Variants in ALDH1A1 observed in about 807,000 individuals in gnomAD.
ALDH1A1 encodes aldehyde dehydrogenase 1A1.
Under a neutral mutation model 62.1 loss-of-function variants are expected in ALDH1A1, and 19 were observed. The observed-to-expected ratio is 0.31, with a 90% CI of 0.21 to 0.45. The LOEUF is 0.45. ALDH1A1 is among the 20% of genes least tolerant of loss of function. The pLI, the probability that ALDH1A1 is intolerant of heterozygous loss-of-function variation, is 1.00. For missense variants in ALDH1A1, 521 were observed against 607.1 expected (o/e 0.86, Z 1.49); for synonymous variants, 231 against 215.9 (o/e 1.07, Z -0.61).
At chr9:72,932,592 A>G (rs1830295744) in intron 2 of ALDH1A1, among the ~76,000 whole-genome samples, 1 of 152,240 alleles carries the variant, frequency 6.6e-6, no homozygotes. Flanking sequence ...TTTTCAGAGA[A>G]TGATGATATA....
chr9:72,945,606 A>G (rs1220675072), intron 1 of ALDH1A1, among the ~76,000 whole-genome samples: 3 of 151,968 alleles, frequency 2.0e-5, no homozygotes, highest in African/African-American at 7.2e-5. Flanking sequence ...TTCTCAGCTT[A>G]GGAACCTACC....
intron 9 of ALDH1A1, among the ~76,000 whole-genome samples, chr9:72,916,702 C>T (rs188239131): frequency 2.1e-4 from 32 of 152,158 alleles, no homozygotes; most frequent in Middle Eastern, 3.4e-3. Flanking sequence ...TCAGCATGGC[C>T]GGTAAACTGT....
chr9:72,930,642 A>G (rs1439012036), intron 3 of ALDH1A1, among the ~76,000 whole-genome samples: 1 of 152,200 alleles, frequency 6.6e-6, no homozygotes, highest in Admixed American at 6.5e-5. Flanking sequence ...TGGGTTTGCT[A>G]AAGTTTAGAC....
At position 72,952,951 on chromosome 9, in the gene ALDH1A1, T is replaced by A. The variant is rs778954712; in HGVS notation, c.50A>T (p.Lys17Met). The change falls in exon 1 of 13, where the codon AAG (lysine) becomes ATG (methionine). Residue 17 changes from lysine (K) to methionine (M), a missense_variant. Coordinates refer to ENST00000297785, the MANE Select transcript of ALDH1A1 (RefSeq NM_000689.5). ...TTTACTCACCTTAGTATATTGAATC[T>A]TCAAATCGGTGAGTAGGACAGGTAA... Reference protein sequence around the residue: ...PDLPVLLTDLKIQYTKIFINN... With the variant: ...PDLPVLLTDLMIQYTKIFINN... 2 of 1,613,054 alleles carry A rather than the reference T, an allele frequency of 1.2e-6. No individual in the cohort carries two copies. Among genetic ancestry groups the A allele is most frequent in the South Asian group, 2.2e-5 (2 of 91,038 alleles).
chr9:72,929,132 T>A (rs1830248184), intron 3 of ALDH1A1, 111 bp from the exon 4 acceptor site: 31 of 1,163,120 alleles, frequency 2.7e-5, no homozygotes, highest in Non-Finnish European at 3.6e-5. Context: ...ATAGAAGAAA[T>A]CTTGTCATCT....
chr9:72,911,405 T>C (rs1829985838), intron 10 of ALDH1A1, among the ~76,000 whole-genome samples: 1 of 152,192 alleles, frequency 6.6e-6, no homozygotes, highest in Non-Finnish European at 1.5e-5. Context: ...TATTCAAGTA[T>C]ACAATACATT....
At chr9:72,932,166 A>G (rs1432759314) in intron 2 of ALDH1A1, among the ~76,000 whole-genome samples, 1 of 152,226 alleles carries the variant, frequency 6.6e-6, no homozygotes, top group Non-Finnish European at 1.5e-5. Context: ...ATGGAATTGT[A>G]TAGCTCCACA....
chr9:72,908,805 T>C (rs7874767), intron 11 of ALDH1A1, among the ~76,000 whole-genome samples: 2,639 of 152,222 alleles, frequency 0.017, 56 homozygotes, highest in African/African-American at 0.044. Context: ...ACAGACTTCA[T>C]GTTTATATCC....
chr9:72,928,152 T>C (rs1588139047), intron 4 of ALDH1A1, among the ~76,000 whole-genome samples: 1 of 151,380 alleles, frequency 6.6e-6, no homozygotes, highest in Non-Finnish European at 1.5e-5. Flanking sequence ...GGATTGGAAG[T>C]GCACATCAGG....
At chr9:72,919,308 G>T (rs1830105616) in intron 7 of ALDH1A1, among the ~76,000 whole-genome samples, 1 of 151,948 alleles carries the variant, frequency 6.6e-6, no homozygotes, top group African/African-American at 2.4e-5. Context: ...CCCTCTTCTG[G>T]CATCCAGATA....
intron 7 of ALDH1A1, 116 bp downstream of exon 7, chr9:72,923,903 A>G (rs1830172063): frequency 1.5e-6 from 1 of 645,268 alleles, no homozygotes; most frequent in African/African-American, 1.9e-5. Context: ...TAAGTAACAA[A>G]TCATTAAAAA....
rs946140019 is a variant in ALDH1A1 at position 72,901,067 on chromosome 9, G to A, written c.*141C>T. ...GAAGCTACATGTCAAGTTTTCTATG[G>A]GTAGTATTAATACTAATATGATTTA... On this transcript the variant is annotated 3_prime_UTR_variant, in exon 13 of 13. Transcript: ENST00000297785. The A allele has an allele frequency of 3.9e-6, 2 of 519,222 alleles. No homozygotes were observed. The highest frequency in any genetic ancestry group is 2.9e-5 in the East Asian group (1 of 34,206). 32.2% of individuals were successfully genotyped at this position (519,222 alleles called of 1,614,324 possible).
At chr9:72,912,359 A>G (rs892557945) in intron 9 of ALDH1A1, among the ~76,000 whole-genome samples, 1 of 152,192 alleles carries the variant, frequency 6.6e-6, no homozygotes, top group African/African-American at 2.4e-5. Context: ...TTATAGTTAT[A>G]TAGGAAAGCA....
At chr9:72,901,307 A>G (rs1006905867) in intron 12 of ALDH1A1, 27 bp from the exon 13 acceptor site, 4 of 1,503,414 alleles carry the variant, frequency 2.7e-6, no homozygotes, top group African/African-American at 2.8e-5. Flanking sequence ...CATACCCACA[A>G]ACACCATTTA....
At position 72,924,079 on chromosome 9, in the gene ALDH1A1, T is replaced by C; in HGVS notation, c.687A>G (p.Ala229=). Residue 229 remains alanine, a synonymous_variant, in exon 7 of 13, where the codon GCA becomes GCG. Coordinates refer to ENST00000297785, the MANE Select transcript of ALDH1A1 (RefSeq NM_000689.5). ...CCATGTGAGAAGAAATGGCTGCCCC[T>C]GCTGTAGGCCCATAACCAGGAACAA... ...VNIVPGYGPT[A]GAAISSHMDI... The C allele has an allele frequency of 6.2e-7, 1 of 1,613,364 alleles. No individual in the cohort carries two copies. Among genetic ancestry groups the C allele is most frequent in the Non-Finnish European group, 8.5e-7 (1 of 1,179,562 alleles).
intron 4 of ALDH1A1, among the ~76,000 whole-genome samples, chr9:72,927,800 A>G (rs1262386865): frequency 6.6e-6 from 1 of 152,140 alleles, no homozygotes; most frequent in African/African-American, 2.4e-5. Context: ...CCTACCAAAC[A>G]ATAATAGCAA....
At chr9:72,911,831 G>C (rs1829994205) in intron 10 of ALDH1A1, 127 bp downstream of exon 10, 3 of 1,118,248 alleles carry the variant, frequency 2.7e-6, no homozygotes, top group Non-Finnish European at 3.9e-6. Flanking sequence ...ATCAAGAACA[G>C]AATAAAGAGT....
At chr9:72,947,947 T>C (rs570558632) in intron 1 of ALDH1A1, among the ~76,000 whole-genome samples, 2 of 152,054 alleles carry the variant, frequency 1.3e-5, no homozygotes, top group East Asian at 1.9e-4. Flanking sequence ...AGAATGATCA[T>C]ATAATTCTAG....
intron 1 of ALDH1A1, among the ~76,000 whole-genome samples, chr9:72,943,621 A>C (rs569970892): frequency 4.6e-5 from 7 of 152,294 alleles, no homozygotes; most frequent in African/African-American, 1.7e-4. Context: ...CTGTGAGCCC[A>C]ACTTGTGTTT....
Sources: gnomAD v4.1 joint callset for allele counts (sites outside exome capture counted in the v4.1 genomes callset) on GRCh38, gnomAD v4.1.1 for gene constraint, MANE v1.5 for transcripts, NCBI Gene and HGNC (gene_info 2026-07-23, HGNC 2026-07-21) for gene names.